Variants in ZFYVE9 observed in about 807,000 individuals in gnomAD.
ZFYVE9 encodes zinc finger FYVE-type containing 9, also known as zinc finger FYVE domain-containing protein 9.
Under a neutral mutation model 126.7 loss-of-function variants are expected in ZFYVE9, and 43 were observed. The observed-to-expected ratio is 0.34, with a 90% confidence interval of 0.27 to 0.44. The LOEUF is 0.44. Ranked by LOEUF, ZFYVE9 falls within the 20% of genes least tolerant of loss-of-function variation. The probability of loss-of-function intolerance (pLI) is 1.00; values close to 1 mark genes in which losing one functional copy is unlikely to be tolerated. For synonymous variants in ZFYVE9, 521 were observed against 597.4 expected, an observed-to-expected ratio of 0.87 and a Z score of 1.87; for missense variants, 1,476 against 1,697.0, an observed-to-expected ratio of 0.87 and a Z score of 2.29.
intron 1 of ZFYVE9, among the ~76,000 whole-genome samples, chr1:52,176,745 G>A (rs369298319): frequency 6.6e-6 from 1 of 152,134 alleles, no homozygotes; most frequent in African/African-American, 2.4e-5. Context: ...TTGATCTCAG[G>A]CTGCTGTGCT....
intron 13 of ZFYVE9, among the ~76,000 whole-genome samples, chr1:52,320,884 A>G (rs953928554): frequency 6.6e-6 from 1 of 152,152 alleles, no homozygotes; most frequent in Non-Finnish European, 1.5e-5. Flanking sequence ...AAAAGAAAAT[A>G]CATCATTTTT....
chr1:52,332,748 G>A lies in ZFYVE9; in HGVS notation c.3439-20G>A. 6.2e-7 allele frequency: 1 copy of A among 1,610,928 alleles called. No homozygotes were observed. Among genetic ancestry groups the A allele is most frequent in the Non-Finnish European group, 8.5e-7 (1 of 1,178,624 alleles). On this transcript the variant is annotated intron_variant, in intron 13 of 18. Transcript: ENST00000287727. ...AAAATGCCCATTCTTGTCAGAATAAGGTTATCTCTTTGATTGCAGATGATG... is the reference window on the plus strand; with the variant it reads ...AAAATGCCCATTCTTGTCAGAATAAAGTTATCTCTTTGATTGCAGATGATG...
chr1:52,168,524 T>TC (rs1226635069), intron 1 of ZFYVE9, among the ~76,000 whole-genome samples: 186 of 151,288 alleles, frequency 1.2e-3, no homozygotes, highest in African/African-American at 4.2e-3. Context: ...GCCTTTTTTT[T>TC]TTTTTTTAAA....
chr1:52,168,982 A>T (rs1644539524), intron 1 of ZFYVE9, among the ~76,000 whole-genome samples: 4 of 151,932 alleles, frequency 2.6e-5, no homozygotes. Context: ...TCCCTCCCTT[A>T]ATCTGTGCTT....
At chr1:52,266,134 T>C (rs1400940746) in intron 5 of ZFYVE9, among the ~76,000 whole-genome samples, 1 of 152,090 alleles carries the variant, frequency 6.6e-6, no homozygotes, top group Non-Finnish European at 1.5e-5. Flanking sequence ...AGTCTTGCTC[T>C]GTTGCCCAGG....
chr1:52,260,291 G>C (rs561437020), intron 4 of ZFYVE9, among the ~76,000 whole-genome samples: 1 of 151,998 alleles, frequency 6.6e-6, no homozygotes, highest in Non-Finnish European at 1.5e-5. Flanking sequence ...TACTATATCT[G>C]TTGGCCATTT....
At chr1:52,194,287 A>G (rs1174001646) in intron 1 of ZFYVE9, among the ~76,000 whole-genome samples, 1 of 152,172 alleles carries the variant, frequency 6.6e-6, no homozygotes, top group Non-Finnish European at 1.5e-5. Context: ...ATATTGGTAT[A>G]AAAAAGGCTT....
chr1:52,314,105 C>G (rs1488473628), intron 13 of ZFYVE9, among the ~76,000 whole-genome samples: 1 of 152,030 alleles, frequency 6.6e-6, no homozygotes, highest in Non-Finnish European at 1.5e-5. Flanking sequence ...ACTTACAGAT[C>G]CAAGAAGCTC....
intron 4 of ZFYVE9, among the ~76,000 whole-genome samples, chr1:52,247,108 G>C (rs1023055904): frequency 5.9e-5 from 9 of 152,174 alleles, no homozygotes; most frequent in African/African-American, 2.2e-4. Flanking sequence ...GGGATTATAT[G>C]TGTGAGCCAC....
At chr1:52,180,098 G>T in intron 1 of ZFYVE9, 2 of 915,114 alleles carry the variant, frequency 2.2e-6, no homozygotes, top group Non-Finnish European at 3.7e-6. Flanking sequence ...CTAAATTGAA[G>T]AATAAATTTG....
chr1:52,260,092 A>G (rs186315385), intron 4 of ZFYVE9, among the ~76,000 whole-genome samples: 21 of 152,254 alleles, frequency 1.4e-4, no homozygotes, highest in African/African-American at 4.8e-4. Context: ...AGTCATACTG[A>G]ATAAACACTT....
At chr1:52,222,926 T>G (rs530909740) in intron 2 of ZFYVE9, among the ~76,000 whole-genome samples, 1 of 152,300 alleles carries the variant, frequency 6.6e-6, no homozygotes, top group East Asian at 1.9e-4. Flanking sequence ...GGCCGACTTA[T>G]TCTTATATTT....
chr1:52,323,774 G>A (rs1040029107), intron 13 of ZFYVE9, among the ~76,000 whole-genome samples: 8 of 151,972 alleles, frequency 5.3e-5, no homozygotes, highest in Admixed American at 1.3e-4. Context: ...AATTAGGCGG[G>A]CATGGCAGCA....
chr1:52,321,842 T>C lies in ZFYVE9; in HGVS notation c.3439-10926T>C, dbSNP rs572433998. ...CTGTACACCCTCCTTTCTGACCCCA[T>C]TTCGTATTCATTTTGGAAAACCCAA... On this transcript the variant is annotated intron_variant, in intron 13 of 18. Transcript: ENST00000287727. 3.2e-3 allele frequency among the ~76,000 whole-genome samples: 482 copies of C among 152,338 alleles called. 2 individuals are homozygous for C. The highest frequency in any genetic ancestry group is 0.011 in the African/African-American group (456 of 41,584).
intron 1 of ZFYVE9, among the ~76,000 whole-genome samples, chr1:52,187,983 C>T (rs1357328342): frequency 6.6e-6 from 1 of 152,146 alleles, no homozygotes; most frequent in Non-Finnish European, 1.5e-5. Context: ...TGGGTATATA[C>T]CCAAAGGAAT....
chr1:52,294,496 C>T (rs188985083), intron 11 of ZFYVE9, among the ~76,000 whole-genome samples: 245 of 152,248 alleles, frequency 1.6e-3, no homozygotes, highest in African/African-American at 5.8e-3. Context: ...TAATAAAGGC[C>T]TCCCATATAT....
chr1:52,322,097 C>A (rs1646245966), intron 13 of ZFYVE9, among the ~76,000 whole-genome samples: 2 of 152,168 alleles, frequency 1.3e-5, no homozygotes. Context: ...ATCTTACAGG[C>A]TTCTCCATCT....
intron 12 of ZFYVE9, among the ~76,000 whole-genome samples, chr1:52,301,520 T>C (rs977138267): frequency 6.6e-6 from 1 of 151,992 alleles, no homozygotes; most frequent in Admixed American, 6.5e-5. Flanking sequence ...CTCAGACTGG[T>C]CTCCAACTCC....
At chr1:52,208,610 C>G (rs992704645) in intron 1 of ZFYVE9, among the ~76,000 whole-genome samples, 3 of 151,928 alleles carry the variant, frequency 2.0e-5, no homozygotes, top group African/African-American at 7.3e-5. Flanking sequence ...CTTGGCCCAC[C>G]GCAACCTCTG....
Sources: allele counts gnomAD v4.1 joint callset (sites outside exome capture counted in the v4.1 genomes callset), GRCh38; gene constraint gnomAD v4.1.1; transcripts MANE v1.5; gene names NCBI Gene and HGNC (gene_info 2026-07-23, HGNC 2026-07-21).